Variants in CFDP1 observed in about 807,000 individuals in gnomAD.
The protein encoded by CFDP1 is heterochromatin-stabilizing protein CFDP1.
In CFDP1, 31 loss-of-function variants were observed where a neutral mutation model predicts 40.1. That is an observed-to-expected ratio of 0.77 (90% confidence interval 0.58 to 1.04). The LOEUF (loss-of-function observed/expected upper bound fraction) is 1.04, where lower values mean the gene tolerates loss of function less well. Ranked by LOEUF, CFDP1 falls within the 50% of genes least tolerant of loss-of-function variation. The probability of loss-of-function intolerance (pLI) is 0.00; values close to 1 mark genes in which losing one functional copy is unlikely to be tolerated. For missense variants in CFDP1, 423 were observed against 343.4 expected (o/e 1.23, Z -1.83); for synonymous variants, 167 against 120.0 (o/e 1.39, Z -2.56).
At chr16:75,306,951 G>A (rs2078262699) in intron 5 of CFDP1, among the ~76,000 whole-genome samples, 1 of 152,064 alleles carries the variant, frequency 6.6e-6, no homozygotes. Flanking sequence ...AACGGAGCAT[G>A]AGTGGGGATA....
rs555983583 is a variant in CFDP1, at chr16:75,422,255, C to A, written c.65-7560G>T. 4.3e-4 allele frequency among the ~76,000 whole-genome samples: 65 copies of A among 152,016 alleles called. 1 individual carries two copies. The South Asian group carries it at 8.1e-3, about 19-fold the overall frequency. On this transcript the variant is annotated intron_variant, in intron 1 of 6. Coordinates refer to ENST00000283882, the MANE Select transcript of CFDP1 (RefSeq NM_006324.3). ...GGGATTACAGGCGCTTGCCACCACACCCGGCTAATTTTTTGTATTTTTAGT... is the reference window on the plus strand; with the variant it reads ...GGGATTACAGGCGCTTGCCACCACAACCGGCTAATTTTTTGTATTTTTAGT...
chr16:75,384,830 A>G (rs2078879090), intron 5 of CFDP1, among the ~76,000 whole-genome samples: 1 of 120,180 alleles, frequency 8.3e-6, no homozygotes, highest in Non-Finnish European at 1.8e-5. Context: ...GTAAAAATAC[A>G]AGTTGCAAGA....
intron 5 of CFDP1, among the ~76,000 whole-genome samples, chr16:75,331,668 T>C (rs1446785543): frequency 1.3e-5 from 2 of 152,250 alleles, no homozygotes; most frequent in African/African-American, 4.8e-5. Context: ...GTTTCTTTCA[T>C]GCAGCACAAT....
At position 75,411,748 on chromosome 16, in the gene CFDP1, T is replaced by C. The variant is rs1338810694; in HGVS notation, c.530+77A>G. ...ATATTATGATGGATTGAAAAGAGGA[T>C]AGATGGCTAACACCAGTTAGAGAGA... On this transcript the variant is annotated intron_variant, in intron 4 of 6. Coordinates refer to ENST00000283882, the MANE Select transcript of CFDP1 (RefSeq NM_006324.3). 8.9e-6 allele frequency: 12 copies of C among 1,355,266 alleles called. No homozygotes were observed. In the East Asian group the frequency reaches 9.2e-5, roughly 10 times the overall value. The allele number at this position is 1,355,266 out of a possible 1,614,324, so 84.0% of individuals were successfully genotyped here.
intron 5 of CFDP1, among the ~76,000 whole-genome samples, chr16:75,320,385 A>T (rs890720411): frequency 6.6e-6 from 1 of 152,174 alleles, no homozygotes; most frequent in Non-Finnish European, 1.5e-5. Flanking sequence ...CAAACGAAGA[A>T]GGTCTGCTGA....
At chr16:75,371,280 T>A (rs1030858632) in intron 5 of CFDP1, among the ~76,000 whole-genome samples, 1 of 152,126 alleles carries the variant, frequency 6.6e-6, no homozygotes, top group Non-Finnish European at 1.5e-5. Flanking sequence ...CTGCCAAAAG[T>A]CCCCTAGGAC....
At chr16:75,399,840 G>A (rs1032650884) in intron 4 of CFDP1, among the ~76,000 whole-genome samples, 1 of 152,048 alleles carries the variant, frequency 6.6e-6, no homozygotes, top group East Asian at 1.9e-4. Flanking sequence ...GGTGGCTCAC[G>A]CCTGTAACCC....
chr16:75,399,724 G>A (rs570341476), intron 4 of CFDP1, among the ~76,000 whole-genome samples: 12 of 151,220 alleles, frequency 7.9e-5, no homozygotes, highest in Non-Finnish European at 1.6e-4. Flanking sequence ...GCTCGGGCCT[G>A]TAATTCCAGC....
intron 1 of CFDP1, among the ~76,000 whole-genome samples, chr16:75,431,511 G>A (rs939874376): frequency 2.0e-5 from 3 of 151,072 alleles, no homozygotes; most frequent in South Asian, 2.1e-4. Flanking sequence ...GTGTGCTGGC[G>A]GGCGCCTGTA....
chr16:75,341,396 T>G (rs984806658), intron 5 of CFDP1, among the ~76,000 whole-genome samples: 1 of 152,216 alleles, frequency 6.6e-6, no homozygotes, highest in African/African-American at 2.4e-5. Context: ...TGCTATAATG[T>G]TCAGAAAGGT....
intron 5 of CFDP1, among the ~76,000 whole-genome samples, chr16:75,382,111 T>C (rs552704274): frequency 1.4e-5 from 2 of 148,022 alleles, no homozygotes; most frequent in South Asian, 4.3e-4. Context: ...GTGAAACCCC[T>C]GTCTCAAAAA....
intron 4 of CFDP1, among the ~76,000 whole-genome samples, chr16:75,397,353 A>G (rs1268047696): frequency 6.6e-6 from 1 of 151,318 alleles, no homozygotes; most frequent in Non-Finnish European, 1.5e-5. Flanking sequence ...CATCTCTACT[A>G]AAAATACAAA....
chr16:75,305,012 AC>A lies in CFDP1; in HGVS notation c.809+11del. 6.3e-7 allele frequency: 1 copy of A among 1,584,080 alleles called. No individual in the cohort carries two copies. Reference sequence around the variant, plus strand: ...GAGGATTTTCCAAGGCATAAAACCTACTCCTTCTTACCCCTCTTTCCCTCGA... The same window carrying A: ...GAGGATTTTCCAAGGCATAAAACCTATCCTTCTTACCCCTCTTTCCCTCGA... On this transcript the variant is annotated intron_variant, in intron 6 of 6. Transcript: ENST00000283882.
At chr16:75,298,431 G>C (rs2078199349) in intron 6 of CFDP1, among the ~76,000 whole-genome samples, 1 of 152,172 alleles carries the variant, frequency 6.6e-6, no homozygotes, top group Admixed American at 6.5e-5. Flanking sequence ...TGGAAGTGCA[G>C]GGAAACCTGA....
At chr16:75,398,536 T>C (rs2079018068) in intron 4 of CFDP1, among the ~76,000 whole-genome samples, 1 of 151,978 alleles carries the variant, frequency 6.6e-6, no homozygotes, top group African/African-American at 2.4e-5. Context: ...CCACCTGGCA[T>C]GCTTCCACCT....
intron 5 of CFDP1, among the ~76,000 whole-genome samples, chr16:75,377,605 C>T (rs929297334): frequency 1.3e-5 from 2 of 152,190 alleles, no homozygotes; most frequent in East Asian, 3.8e-4. Flanking sequence ...ATGAAAAAGA[C>T]TCCTTGTGTT....
chr16:75,327,520 T>C (rs2078411430), intron 5 of CFDP1, among the ~76,000 whole-genome samples: 1 of 152,042 alleles, frequency 6.6e-6, no homozygotes, highest in South Asian at 2.1e-4. Context: ...GTATAGACTA[T>C]AGTAGAATAT....
chr16:75,302,743 G>C (rs1597318293), intron 6 of CFDP1, among the ~76,000 whole-genome samples: 1 of 152,168 alleles, frequency 6.6e-6, no homozygotes, highest in South Asian at 2.1e-4. Flanking sequence ...GAGAGGTTTG[G>C]GGCGCATGTC....
At chr16:75,307,011 C>T (rs1329881649) in intron 5 of CFDP1, among the ~76,000 whole-genome samples, 1 of 152,084 alleles carries the variant, frequency 6.6e-6, no homozygotes, top group African/African-American at 2.4e-5. Context: ...TTCCTTACTG[C>T]TACTGCCCGA....
Sources: allele counts gnomAD v4.1 joint callset (sites outside exome capture counted in the v4.1 genomes callset), GRCh38; gene constraint gnomAD v4.1.1; transcripts MANE v1.5; gene names NCBI Gene and HGNC (gene_info 2026-07-23, HGNC 2026-07-21).